VWC2L: variants seen among roughly 807,000 people sequenced by gnomAD.
The protein encoded by VWC2L is von Willebrand factor C domain-containing protein 2-like.
A neutral mutation model predicts 21.6 loss-of-function variants in VWC2L; 10 were observed. That is an observed-to-expected ratio of 0.46 (90% CI 0.29 to 0.78). VWC2L has a LOEUF of 0.78. VWC2L is among the 30% of genes least tolerant of loss of function. VWC2L has a pLI of 0.10. For missense variants in VWC2L, 209 were observed against 277.1 expected, an observed-to-expected ratio of 0.75 and a Z score of 1.74; for synonymous variants, 96 against 94.3, an observed-to-expected ratio of 1.02 and a Z score of -0.10.
intron 3 of VWC2L, among the ~76,000 whole-genome samples, chr2:214,462,361 T>A (rs1460598866): frequency 1.3e-5 from 2 of 152,218 alleles, no homozygotes; most frequent in African/African-American, 4.8e-5. Context: ...TTCTAGCCAG[T>A]CCCAGCCTGG....
chr2:214,468,208 A>G (rs61683226), intron 3 of VWC2L, among the ~76,000 whole-genome samples: 10,463 of 152,076 alleles, frequency 0.069, 1,160 homozygotes, highest in African/African-American at 0.24. Flanking sequence ...TTAAAGACGG[A>G]GTTTCACCAT....
chr2:214,468,394 T>C (rs995720507), intron 3 of VWC2L, among the ~76,000 whole-genome samples: 1 of 152,168 alleles, frequency 6.6e-6, no homozygotes, highest in African/African-American at 2.4e-5. Flanking sequence ...TCCAAATACC[T>C]AGTAAATTAT....
chr2:214,468,635 G>GA (rs918177571), intron 3 of VWC2L, among the ~76,000 whole-genome samples: 162 of 148,396 alleles, frequency 1.1e-3, no homozygotes, highest in Admixed American at 2.8e-3. Flanking sequence ...GCAATAAAAT[G>GA]AAAAAAAAAA....
intron 3 of VWC2L, among the ~76,000 whole-genome samples, chr2:214,532,933 A>ACCCTGTGCTAGAGAGAGGAGC (rs1361179515): frequency 2.6e-5 from 4 of 151,552 alleles, no homozygotes; most frequent in Non-Finnish European, 5.9e-5. Flanking sequence ...GAGAGAGGGG[A>ACCCTGTGCTAGAGAGAGGAGC]CCCTGACAGG....
At chr2:214,506,945 G>A (rs1049096398) in intron 3 of VWC2L, among the ~76,000 whole-genome samples, 8 of 145,566 alleles carry the variant, frequency 5.5e-5, no homozygotes, top group African/African-American at 1.7e-4. Flanking sequence ...GGTTGTGTCT[G>A]GGTGGCTAAA....
chr2:214,443,329 G>A (rs1183662439), intron 3 of VWC2L, among the ~76,000 whole-genome samples: 5 of 151,886 alleles, frequency 3.3e-5, no homozygotes, highest in South Asian at 2.1e-4. Context: ...CTGAGATCAC[G>A]CCCTTGCACT....
chr2:214,573,247 A>T (rs572570856), intron 3 of VWC2L, among the ~76,000 whole-genome samples: 1 of 152,036 alleles, frequency 6.6e-6, no homozygotes. Context: ...ACACATACAC[A>T]CACACACACA....
intron 2 of VWC2L, among the ~76,000 whole-genome samples, chr2:214,432,149 T>C (rs183791669): frequency 3.9e-5 from 6 of 152,348 alleles, no homozygotes; most frequent in African/African-American, 1.2e-4. Context: ...CCCAGAGATA[T>C]GGTTTAGCAA....
chr2:214,569,384 T>A (rs988833561), intron 3 of VWC2L, among the ~76,000 whole-genome samples: 15 of 152,054 alleles, frequency 9.9e-5, no homozygotes, highest in African/African-American at 3.4e-4. Context: ...GACTTCCCAA[T>A]GCTTTATCAT....
intron 3 of VWC2L, among the ~76,000 whole-genome samples, chr2:214,450,103 T>A (rs1051244384): frequency 6.6e-6 from 1 of 152,160 alleles, no homozygotes; most frequent in Non-Finnish European, 1.5e-5. Context: ...GGTGTAGGGT[T>A]ATTGATGTCT....
At chr2:214,471,163 A>G (rs923692475) in intron 3 of VWC2L, among the ~76,000 whole-genome samples, 2 of 152,100 alleles carry the variant, frequency 1.3e-5, no homozygotes, top group African/African-American at 4.8e-5. Context: ...ATCCAGGTTT[A>G]CCCTGCTCTG....
intron 3 of VWC2L, among the ~76,000 whole-genome samples, chr2:214,531,799 G>C (rs1384458605): frequency 1.3e-5 from 2 of 152,098 alleles, no homozygotes; most frequent in Non-Finnish European, 2.9e-5. Context: ...GAATGCTTGC[G>C]TTTCAGGTTT....
chr2:214,504,076 TG>T (rs1399882679), intron 3 of VWC2L, among the ~76,000 whole-genome samples: 3 of 152,242 alleles, frequency 2.0e-5, no homozygotes, highest in Non-Finnish European at 2.9e-5. Flanking sequence ...AAATTGTAAC[TG>T]GTTCTGTGTA....
intron 2 of VWC2L, among the ~76,000 whole-genome samples, chr2:214,433,875 G>A (rs776032926): frequency 6.6e-6 from 1 of 152,164 alleles, no homozygotes; most frequent in African/African-American, 2.4e-5. Context: ...CTAGCTTGAA[G>A]TCAATGGGTT....
chr2:214,536,492 GCTACATCAAGTTGAATCTT>G (rs1488799574), intron 3 of VWC2L, among the ~76,000 whole-genome samples: 1 of 151,962 alleles, frequency 6.6e-6, no homozygotes, highest in Non-Finnish European at 1.5e-5. Flanking sequence ...TGGTACTTGG[GCTACATCAAGTTGAATCTT>G]AAAATCTTAA....
chr2:214,534,296 C>A (rs1408845811), intron 3 of VWC2L, among the ~76,000 whole-genome samples: 3 of 152,104 alleles, frequency 2.0e-5, no homozygotes, highest in Non-Finnish European at 4.4e-5. Context: ...GGGTGCTATG[C>A]ATTTTAATTG....
At position 214,493,057 on chromosome 2, in the gene VWC2L, T is replaced by C. The variant is rs535313638; in HGVS notation, c.520+56299T>C. Among the ~76,000 whole-genome samples the C allele has an allele frequency of 7.2e-5, 11 of 152,318 alleles. No individual in the cohort carries two copies. The East Asian group carries it at 1.7e-3, about 24-fold the overall frequency. Reference sequence around the variant, plus strand: ...GAACAATATTAAACAAAATATATCATAACTTACATTCCTAATATGGGGTAC... The same window carrying C: ...GAACAATATTAAACAAAATATATCACAACTTACATTCCTAATATGGGGTAC... On this transcript the variant is annotated intron_variant, in intron 3 of 3. Coordinates refer to ENST00000312504, the MANE Select transcript of VWC2L (RefSeq NM_001080500.4).
chr2:214,506,415 C>T (rs35344892), intron 3 of VWC2L, among the ~76,000 whole-genome samples: 44,068 of 152,078 alleles, frequency 0.29, 7,746 homozygotes, highest in South Asian at 0.44. Context: ...TGTATTTCTC[C>T]TATACCCTTA....
At chr2:214,518,926 T>C (rs1318994375) in intron 3 of VWC2L, among the ~76,000 whole-genome samples, 1 of 152,236 alleles carries the variant, frequency 6.6e-6, no homozygotes, top group Non-Finnish European at 1.5e-5. Flanking sequence ...ATTTTCCACA[T>C]GCCCATCAAA....
Sources: gnomAD v4.1 joint callset for allele counts (sites outside exome capture counted in the v4.1 genomes callset) on GRCh38, gnomAD v4.1.1 for gene constraint, MANE v1.5 for transcripts, NCBI Gene and HGNC (gene_info 2026-07-23, HGNC 2026-07-21) for gene names.